Variants in PALS2 observed in about 807,000 individuals in gnomAD.
PALS2 encodes protein PALS2.
PALS2 carries 27 observed loss-of-function variants against 61.6 expected under a neutral mutation model. The observed-to-expected ratio is 0.44, with a 90% CI of 0.32 to 0.60. The LOEUF is 0.60. Ranked by LOEUF, PALS2 falls within the 20% of genes least tolerant of loss-of-function variation. The pLI, the probability that PALS2 is intolerant of heterozygous loss-of-function variation, is 0.05. For synonymous variants in PALS2, 236 were observed against 218.6 expected (o/e 1.08, Z -0.70); for missense variants, 554 against 639.4 (o/e 0.87, Z 1.44).
chr7:24,651,800 T>C (rs1440249401), intron 5 of PALS2, among the ~76,000 whole-genome samples: 1 of 152,226 alleles, frequency 6.6e-6, no homozygotes, highest in Non-Finnish European at 1.5e-5. Flanking sequence ...TCTTATTTCA[T>C]ATTGTTAAAA....
At position 24,649,446 on chromosome 7, in the gene PALS2, T is replaced by C. The variant is rs118049070; in HGVS notation, c.271-166T>C. ...ATAAAACTATATATTTTTATATCTC[T>C]TAAAAATTATATATTTATTTGATCA... is the stretch of plus-strand genomic sequence containing the variant. On this transcript the variant is annotated intron_variant, in intron 3 of 11. Transcript: ENST00000222644. 4.8e-3 allele frequency among the ~76,000 whole-genome samples: 732 copies of C among 152,282 alleles called. 4 individuals carry two copies. Among genetic ancestry groups the C allele is most frequent in the Non-Finnish European group, 7.6e-3 (518 of 68,002 alleles).
At chr7:24,637,878 A>G (rs1053027564) in intron 2 of PALS2, among the ~76,000 whole-genome samples, 5 of 152,226 alleles carry the variant, frequency 3.3e-5, no homozygotes, top group Non-Finnish European at 7.3e-5. Flanking sequence ...AATGCCAGTC[A>G]TAGAATGTTC....
At chr7:24,631,891 A>G (rs886498565) in intron 2 of PALS2, among the ~76,000 whole-genome samples, 1 of 152,246 alleles carries the variant, frequency 6.6e-6, no homozygotes, top group African/African-American at 2.4e-5. Context: ...TGCACACTTA[A>G]TAGATCACCT....
chr7:24,595,477 GTAAA>G (rs1180872438), intron 1 of PALS2, among the ~76,000 whole-genome samples: 4 of 127,210 alleles, frequency 3.1e-5, no homozygotes, highest in African/African-American at 9.1e-5. Context: ...ATATAAATAT[GTAAA>G]TATATATTAT....
chr7:24,649,470 C>A, intron 3 of PALS2, 142 bp from the exon 4 acceptor site: 1 of 460,568 alleles, frequency 2.2e-6, no homozygotes, highest in Non-Finnish European at 3.7e-6. Flanking sequence ...TTTATTTGAT[C>A]AACCTGATAT....
In PALS2 at chr7:24,691,650, A is replaced by T. The variant is rs1788484412; in HGVS notation, c.*4036A>T. Reference sequence around the variant, plus strand: ...TTTCTGAAAAATATATGAGAAACTCAGAAAGTAGTCATTATTATAATAAAT... The same window carrying T: ...TTTCTGAAAAATATATGAGAAACTCTGAAAGTAGTCATTATTATAATAAAT... On this transcript the variant is annotated 3_prime_UTR_variant, in exon 12 of 12. Transcript: ENST00000222644. The T allele has an allele frequency of 6.6e-6, 1 of 151,704 alleles. No individual in the cohort carries two copies. The highest frequency in any genetic ancestry group is 2.4e-5 in the African/African-American group (1 of 41,366). 9.4% of individuals were successfully genotyped at this position (151,704 alleles called of 1,614,324 possible).
At chr7:24,684,022 A>G (rs947666275) in intron 11 of PALS2, among the ~76,000 whole-genome samples, 2 of 152,194 alleles carry the variant, frequency 1.3e-5, no homozygotes, top group Non-Finnish European at 2.9e-5. Context: ...CACCACTAGT[A>G]TCATTACTGT....
At position 24,691,405 on chromosome 7, in the gene PALS2, G is replaced by GTGTGTGTGTATATATA. The variant is rs1274329385; in HGVS notation, c.*3792_*3793insGTGTGTGTATATATAT. 9.0e-6 allele frequency: 1 copy of GTGTGTGTGTATATATA among 110,596 alleles called. No individual in the cohort carries two copies. The highest frequency in any genetic ancestry group is 3.1e-5 in the African/African-American group (1 of 32,340). 6.9% of individuals were successfully genotyped at this position (110,596 alleles called of 1,614,324 possible). On this transcript the variant is annotated 3_prime_UTR_variant, in exon 12 of 12. Coordinates refer to ENST00000222644, the MANE Select transcript of PALS2 (RefSeq NM_001303037.2). Reference sequence around the variant, plus strand: ...ATATTATGTATGTGTGTGTGTGTGTGTATATATATATATATATATATATAT... The same window carrying GTGTGTGTGTATATATA: ...ATATTATGTATGTGTGTGTGTGTGTGTGTGTGTGTATATATATATATATATATATATATATATATAT...
At chr7:24,574,988 A>T (rs940708627) in intron 1 of PALS2, among the ~76,000 whole-genome samples, 2 of 152,116 alleles carry the variant, frequency 1.3e-5, no homozygotes, top group African/African-American at 4.8e-5. Context: ...GTTAACAGTA[A>T]ACAAAGAACT....
chr7:24,581,293 G>T (rs1488453453), intron 1 of PALS2, among the ~76,000 whole-genome samples: 141 of 150,356 alleles, frequency 9.4e-4, no homozygotes, highest in Non-Finnish European at 3.0e-4. Context: ...GTGTGTGTCA[G>T]AGAGAAAGGG....
chr7:24,643,524 G>C (rs764431600), intron 3 of PALS2, among the ~76,000 whole-genome samples: 2 of 151,852 alleles, frequency 1.3e-5, no homozygotes, highest in Non-Finnish European at 2.9e-5. Context: ...CTAATTTTCT[G>C]TTTCAGTGAA....
intron 3 of PALS2, among the ~76,000 whole-genome samples, chr7:24,642,613 C>A (rs1319151365): frequency 2.0e-5 from 3 of 152,120 alleles, no homozygotes; most frequent in Non-Finnish European, 4.4e-5. Context: ...TAAATGTCAC[C>A]TGCTTTCCCC....
At chr7:24,636,395 A>G (rs1487824903) in intron 2 of PALS2, among the ~76,000 whole-genome samples, 1 of 152,076 alleles carries the variant, frequency 6.6e-6, no homozygotes, top group Admixed American at 6.5e-5. Context: ...AAGGGATTTC[A>G]TTATAGTTTT....
intron 1 of PALS2, among the ~76,000 whole-genome samples, chr7:24,583,715 G>T (rs1782942144): frequency 6.7e-6 from 1 of 149,864 alleles, no homozygotes. Context: ...CATTGTGCAG[G>T]TTAGTTACAT....
intron 1 of PALS2, among the ~76,000 whole-genome samples, chr7:24,599,874 C>G (rs1783656335): frequency 6.6e-6 from 1 of 151,958 alleles, no homozygotes; most frequent in African/African-American, 2.4e-5. Flanking sequence ...GATGCAAACA[C>G]ATTAGCCTTG....
intron 4 of PALS2, 26 bp downstream of exon 4, chr7:24,649,790 A>G (rs765643394): frequency 5.9e-6 from 9 of 1,513,980 alleles, no homozygotes; most frequent in Non-Finnish European, 7.1e-6. Context: ...TCAGTACCCT[A>G]TTAAATCTGA....
chr7:24,680,496 A>G lies in PALS2; in HGVS notation c.1422A>G (p.Ala474=), dbSNP rs773819963. The G allele has an allele frequency of 1.2e-6, 2 of 1,613,978 alleles. No homozygotes were observed. Among genetic ancestry groups the G allele is most frequent in the Non-Finnish European group, 1.7e-6 (2 of 1,179,874 alleles). The change falls in exon 11 of 12, where the codon GCA becomes GCG. Residue 474 remains alanine, a synonymous_variant. Coordinates refer to ENST00000222644, the MANE Select transcript of PALS2 (RefSeq NM_001303037.2). ...CCATGCACAAGGCTGTGGTGGATGCAGGAATCACTACCAAGCTTCTGACCG... is the reference window on the plus strand; with the variant it reads ...CCATGCACAAGGCTGTGGTGGATGCGGGAATCACTACCAAGCTTCTGACCG... ...LRAMHKAVVD[A]GITTKLLTDS... is the part of the protein sequence containing the mutation.
chr7:24,650,696 C>T lies in PALS2; in HGVS notation c.635C>T (p.Thr212Ile), dbSNP rs1206138321. ...AAAATCTTACCAAGTTATAGAGATA[C>T]CATTACTCCTCAACAGGTTAGTAAT... The part of the protein sequence containing the change: ...TLKILPSYRD[T>I]ITPQQVFVKC... Residue 212 changes from threonine (T) to isoleucine (I), a missense_variant, in exon 5 of 12, where the codon ACC (threonine) becomes ATC (isoleucine). Transcript: ENST00000222644. The T allele has an allele frequency of 6.3e-7, 1 of 1,582,046 alleles. No homozygotes were observed. Among genetic ancestry groups the T allele is most frequent in the Non-Finnish European group, 8.6e-7 (1 of 1,156,564 alleles).
intron 2 of PALS2, among the ~76,000 whole-genome samples, chr7:24,641,202 T>A (rs1785535175): frequency 6.6e-6 from 1 of 152,006 alleles, no homozygotes; most frequent in South Asian, 2.1e-4. Flanking sequence ...ATTGACTTTT[T>A]TTTCCACTGA....
Sources: allele counts gnomAD v4.1 joint callset (sites outside exome capture counted in the v4.1 genomes callset), GRCh38; gene constraint gnomAD v4.1.1; transcripts MANE v1.5; gene names NCBI Gene and HGNC (gene_info 2026-07-23, HGNC 2026-07-21).